The following TNIK variants were observed in gnomAD, a reference collection of about 807,000 sequenced individuals.
The protein encoded by TNIK is TRAF2 and NCK interacting kinase, also known as TRAF2 and NCK-interacting protein kinase.
TNIK carries 49 observed loss-of-function variants against 191.3 expected under a neutral mutation model. The ratio of observed to expected loss-of-function variants is 0.26; its 90% CI spans 0.20 to 0.32. The LOEUF is 0.32. TNIK is among the 10% of genes least tolerant of loss of function. The pLI is 1.00. For synonymous variants in TNIK, 594 were observed against 600.9 expected (o/e 0.99, Z 0.17); for missense variants, 1,155 against 1,702.3 (o/e 0.68, Z 5.66).
chr3:171,184,814 A>G (rs1054200095), intron 7 of TNIK, among the ~76,000 whole-genome samples: 3 of 152,190 alleles, frequency 2.0e-5, no homozygotes, highest in Non-Finnish European at 2.9e-5. Context: ...ACAGGGGAAA[A>G]GAGTACTTTT....
intron 2 of TNIK, among the ~76,000 whole-genome samples, chr3:171,299,559 C>T (rs1345656371): frequency 1.3e-5 from 2 of 152,172 alleles, no homozygotes; most frequent in African/African-American, 4.8e-5. Flanking sequence ...ATTTGTTGCT[C>T]AGCCTCAGCT....
intron 12 of TNIK, among the ~76,000 whole-genome samples, chr3:171,141,363 G>A (rs1382992479): frequency 2.6e-5 from 4 of 152,208 alleles, no homozygotes; most frequent in African/African-American, 4.8e-5. Flanking sequence ...ATAGCCAGAC[G>A]ATGTGACTCC....
At chr3:171,364,481 A>C (rs1715422568) in intron 2 of TNIK, among the ~76,000 whole-genome samples, 1 of 152,214 alleles carries the variant, frequency 6.6e-6, no homozygotes, top group South Asian at 2.1e-4. Context: ...ACTGGGAACA[A>C]ATATAGAAAG....
intron 1 of TNIK, among the ~76,000 whole-genome samples, chr3:171,401,894 A>G (rs939767111): frequency 1.3e-5 from 2 of 152,210 alleles, no homozygotes; most frequent in Non-Finnish European, 2.9e-5. Context: ...TGTTATTGTC[A>G]TTGCTACAAC....
At chr3:171,129,972 C>T (rs1560155657) in intron 15 of TNIK, among the ~76,000 whole-genome samples, 1 of 152,174 alleles carries the variant, frequency 6.6e-6, no homozygotes, top group African/African-American at 2.4e-5. Flanking sequence ...CTTCCCAAAG[C>T]CACCAGGACA....
chr3:171,380,398 A>G (rs528340207), intron 1 of TNIK, among the ~76,000 whole-genome samples: 2 of 152,340 alleles, frequency 1.3e-5, no homozygotes, highest in African/African-American at 2.4e-5. Context: ...TAAATAATTA[A>G]GAAAGAAAGA....
chr3:171,369,329 A>G (rs964773928), intron 2 of TNIK, among the ~76,000 whole-genome samples: 19 of 152,210 alleles, frequency 1.2e-4, no homozygotes, highest in Non-Finnish European at 7.3e-5. Flanking sequence ...TCTGGCAGTG[A>G]TTAAGTAAAG....
At chr3:171,149,145 T>G (rs1350940248) in intron 12 of TNIK, among the ~76,000 whole-genome samples, 1 of 152,060 alleles carries the variant, frequency 6.6e-6, no homozygotes, top group South Asian at 2.1e-4. Context: ...TGGTTAGGAA[T>G]AACTAAGAAG....
intron 2 of TNIK, 144 bp from the exon 3 acceptor site, chr3:171,228,365 C>T (rs1180940938): frequency 4.0e-6 from 3 of 751,332 alleles, no homozygotes; most frequent in African/African-American, 1.8e-5. Context: ...ACAGAAACAC[C>T]ATGTCTACTT....
At chr3:171,095,536 TTTA>T (rs1310236659) in intron 22 of TNIK, among the ~76,000 whole-genome samples, 3 of 152,248 alleles carry the variant, frequency 2.0e-5, no homozygotes, top group Non-Finnish European at 4.4e-5. Flanking sequence ...ATTTTTTTCT[TTTA>T]TTTTCATTGT....
At chr3:171,139,378 G>GCGCACACACACACACACA (rs35492114) in intron 14 of TNIK, 92 bp downstream of exon 14, 5 of 692,986 alleles carry the variant, frequency 7.2e-6, no homozygotes, top group South Asian at 6.8e-5. Flanking sequence ...ACGCACGCGC[G>GCGCACACACACACACACA]CACACACACA....
At chr3:171,304,271 C>A (rs1457385980) in intron 2 of TNIK, among the ~76,000 whole-genome samples, 1 of 151,998 alleles carries the variant, frequency 6.6e-6, no homozygotes, top group African/African-American at 2.4e-5. Context: ...GAAAATGGGG[C>A]CATTCCATCA....
At chr3:171,075,111 AT>A (rs1719725521) in intron 28 of TNIK, among the ~76,000 whole-genome samples, 1 of 152,226 alleles carries the variant, frequency 6.6e-6, no homozygotes, top group Non-Finnish European at 1.5e-5. Flanking sequence ...AAGAGATAAT[AT>A]TCAGAAATTT....
chr3:171,113,018 A>G (rs1442283122), intron 18 of TNIK, among the ~76,000 whole-genome samples: 1 of 152,208 alleles, frequency 6.6e-6, no homozygotes, highest in Non-Finnish European at 1.5e-5. Context: ...GTATAAAGGT[A>G]TGACAGATTT....
At chr3:171,228,275 T>C (rs1743190929) in intron 2 of TNIK, 54 bp from the exon 3 acceptor site, 1 of 1,604,454 alleles carries the variant, frequency 6.2e-7, no homozygotes, top group Non-Finnish European at 8.5e-7. Flanking sequence ...AATAGTAGCA[T>C]TCAATTCCAA....
chr3:171,284,045 A>C (rs1332825615), intron 2 of TNIK, among the ~76,000 whole-genome samples: 1 of 152,182 alleles, frequency 6.6e-6, no homozygotes, highest in Non-Finnish European at 1.5e-5. Context: ...GAGAAACATC[A>C]GCATCACCTG....
intron 2 of TNIK, among the ~76,000 whole-genome samples, chr3:171,369,153 AT>A (rs1393457851): frequency 1.3e-5 from 2 of 152,182 alleles, no homozygotes; most frequent in African/African-American, 4.8e-5. Context: ...CGTCGCTGCT[AT>A]TAAGCTTTTG....
chr3:171,201,816 A>G (rs926226839), intron 4 of TNIK, among the ~76,000 whole-genome samples: 1 of 151,320 alleles, frequency 6.6e-6, no homozygotes, highest in Non-Finnish European at 1.5e-5. Context: ...ATCTATCTAT[A>G]TATAAACTCT....
chr3:171,308,477 A>G (rs1753693033), intron 2 of TNIK, among the ~76,000 whole-genome samples: 1 of 152,308 alleles, frequency 6.6e-6, no homozygotes, highest in South Asian at 2.1e-4. Context: ...AACCCAGGAA[A>G]TACCATTCTA....
Sources: gnomAD v4.1 joint callset for allele counts (sites outside exome capture counted in the v4.1 genomes callset) on GRCh38, gnomAD v4.1.1 for gene constraint, MANE v1.5 for transcripts, NCBI Gene and HGNC (gene_info 2026-07-23, HGNC 2026-07-21) for gene names.